CADPS2: variants seen among roughly 807,000 people sequenced by gnomAD.
CADPS2 encodes calcium-dependent secretion activator 2.
A neutral mutation model predicts 172.5 loss-of-function variants in CADPS2; 93 were observed. The observed-to-expected ratio is 0.54, with a 90% CI of 0.46 to 0.64. The LOEUF (loss-of-function observed/expected upper bound fraction) is 0.64. Ranked by LOEUF, CADPS2 falls within the 30% of genes least tolerant of loss-of-function variation. The pLI, the probability that CADPS2 is intolerant of heterozygous loss-of-function variation, is 0.00. For missense variants in CADPS2, 1,420 were observed against 1,565.9 expected (o/e 0.91, Z 1.57); for synonymous variants, 546 against 555.2 (o/e 0.98, Z 0.23).
intron 25 of CADPS2, among the ~76,000 whole-genome samples, chr7:122,367,414 A>G (rs1156719792): frequency 6.6e-6 from 1 of 151,820 alleles, no homozygotes; most frequent in African/African-American, 2.4e-5. Context: ...AGGAAGTTGG[A>G]TATTACAGAA....
chr7:122,496,640 A>G (rs1318252839), intron 9 of CADPS2, among the ~76,000 whole-genome samples: 1 of 152,080 alleles, frequency 6.6e-6, no homozygotes, highest in Non-Finnish European at 1.5e-5. Context: ...GCTACTTAGA[A>G]GTATGTTTTT....
chr7:122,652,184 G>A (rs1301487493), intron 3 of CADPS2, among the ~76,000 whole-genome samples: 1 of 151,744 alleles, frequency 6.6e-6, no homozygotes, highest in East Asian at 1.9e-4. Context: ...CAAAAATCTA[G>A]GTTTTATCTG....
intron 1 of CADPS2, among the ~76,000 whole-genome samples, chr7:122,756,210 T>C (rs2093153524): frequency 6.7e-6 from 1 of 149,412 alleles, no homozygotes; most frequent in Non-Finnish European, 1.5e-5. Flanking sequence ...ACTAAAATTA[T>C]ACAAGGACTT....
intron 1 of CADPS2, among the ~76,000 whole-genome samples, chr7:122,821,179 A>G (rs1308219243): frequency 1.3e-5 from 2 of 151,270 alleles, no homozygotes; most frequent in African/African-American, 4.9e-5. Context: ...CATTCACCCC[A>G]TTTCCCCAAA....
intron 1 of CADPS2, among the ~76,000 whole-genome samples, chr7:122,776,969 A>G (rs2093903099): frequency 6.6e-6 from 1 of 152,022 alleles, no homozygotes; most frequent in Non-Finnish European, 1.5e-5. Context: ...TGGGCAATAT[A>G]GTGTGACCCC....
Position 122,416,087 on chromosome 7 carries a change from G to C in CADPS2, c.2554C>G (p.Gln852Glu). 6.5e-7 allele frequency: 1 copy of C among 1,543,600 alleles called. No homozygotes were observed. Among genetic ancestry groups the C allele is most frequent in the Non-Finnish European group, 8.8e-7 (1 of 1,139,076 alleles). Reference protein sequence around the residue: ...HLAELCIEVLQQNEEHHAEGR... With the variant: ...HLAELCIEVLEQNEEHHAEGR... ...TCTGCATGATGCTCTTCATTCTGCT[G>C]TAAGACTTCTATGCAGAGCTCTGCC... is the stretch of plus-strand genomic sequence containing the variant. The change falls in exon 18 of 30, where the codon CAG becomes GAG. Residue 852 changes from glutamine to glutamate, a missense_variant. Coordinates refer to ENST00000449022, the MANE Select transcript of CADPS2 (RefSeq NM_017954.11).
At chr7:122,607,541 C>G (rs1189010587) in intron 6 of CADPS2, among the ~76,000 whole-genome samples, 1 of 152,162 alleles carries the variant, frequency 6.6e-6, no homozygotes, top group African/African-American at 2.4e-5. Flanking sequence ...ACAACAAATA[C>G]TACTAATCAT....
chr7:122,371,012 G>C (rs370665581), intron 25 of CADPS2, among the ~76,000 whole-genome samples: 1 of 152,218 alleles, frequency 6.6e-6, no homozygotes, highest in African/African-American at 2.4e-5. Context: ...GTTAAGTGTA[G>C]GAACACTGCA....
At chr7:122,360,576 G>C (rs2039995241) in intron 27 of CADPS2, among the ~76,000 whole-genome samples, 1 of 152,102 alleles carries the variant, frequency 6.6e-6, no homozygotes. Flanking sequence ...ATGATGAACT[G>C]ATCTCCTTAA....
intron 1 of CADPS2, among the ~76,000 whole-genome samples, chr7:122,785,366 T>G (rs1393856707): frequency 6.6e-6 from 1 of 152,182 alleles, no homozygotes; most frequent in East Asian, 1.9e-4. Context: ...GTTCTCTAAT[T>G]TGGCTTCATA....
chr7:122,433,259 G>C (rs1018164878), intron 17 of CADPS2, among the ~76,000 whole-genome samples: 1 of 152,006 alleles, frequency 6.6e-6, no homozygotes, highest in African/African-American at 2.4e-5. Context: ...GGGATCACAG[G>C]CATGAGCCAC....
chr7:122,644,095 T>G (rs531113641), intron 3 of CADPS2, among the ~76,000 whole-genome samples: 9 of 146,216 alleles, frequency 6.2e-5, no homozygotes, highest in Admixed American at 6.9e-5. Context: ...AAGGAAGGAA[T>G]GAAGGAAGGA....
At chr7:122,539,930 T>C (rs2062749506) in intron 8 of CADPS2, among the ~76,000 whole-genome samples, 1 of 152,108 alleles carries the variant, frequency 6.6e-6, no homozygotes, top group Admixed American at 6.6e-5. Flanking sequence ...TCCTTAATCT[T>C]CATAAAACTT....
Position 122,441,583 on chromosome 7 carries a change from A to G in CADPS2, c.2289-8T>C, listed in dbSNP as rs2051361663. On this transcript the variant is annotated splice_polypyrimidine_tract_variant and splice_region_variant and intron_variant, in intron 15 of 29. Transcript: ENST00000449022. ...CCAAAGGGAAAACAGTATCTTTAAA[A>G]ACAAAAGAAAGAACAAAAGAGTCAA... is the stretch of plus-strand genomic sequence containing the variant. 6.6e-7 allele frequency: 1 copy of G among 1,520,026 alleles called. No individual in the cohort carries two copies. Among genetic ancestry groups the G allele is most frequent in the Admixed American group, 2.3e-5 (1 of 44,022 alleles). 94.2% of individuals were successfully genotyped at this position (1,520,026 alleles called of 1,614,324 possible).
chr7:122,697,609 C>G (rs776628590), intron 2 of CADPS2: 80 of 537,314 alleles, frequency 1.5e-4, no homozygotes, highest in Non-Finnish European at 2.0e-4. Flanking sequence ...TCCAAAATTG[C>G]ACAAAAAAAA....
At chr7:122,560,361 T>C (rs1256267746) in intron 7 of CADPS2, among the ~76,000 whole-genome samples, 2 of 152,180 alleles carry the variant, frequency 1.3e-5, no homozygotes, top group Non-Finnish European at 2.9e-5. Context: ...TAAGCGTGTG[T>C]TATCCTATAT....
chr7:122,548,835 T>C (rs1280501078), intron 8 of CADPS2, among the ~76,000 whole-genome samples: 2 of 152,182 alleles, frequency 1.3e-5, no homozygotes, highest in Admixed American at 1.3e-4. Context: ...TGTAATATTT[T>C]CATTTTTCTC....
At chr7:122,596,439 T>C (rs2071794184) in intron 6 of CADPS2, among the ~76,000 whole-genome samples, 1 of 152,112 alleles carries the variant, frequency 6.6e-6, no homozygotes, top group African/African-American at 2.4e-5. Context: ...AAGCACCTAT[T>C]ATGTGCCATT....
chr7:122,425,322 T>TCATG (rs2049016928), intron 17 of CADPS2, among the ~76,000 whole-genome samples: 1 of 149,584 alleles, frequency 6.7e-6, no homozygotes, highest in Non-Finnish European at 1.5e-5. Context: ...GTGCCATGGT[T>TCATG]CATGCCTGTA....
Sources: gnomAD v4.1 joint callset for allele counts (sites outside exome capture counted in the v4.1 genomes callset) on GRCh38, gnomAD v4.1.1 for gene constraint, MANE v1.5 for transcripts, NCBI Gene and HGNC (gene_info 2026-07-23, HGNC 2026-07-21) for gene names.